Variants in KCNIP4 observed in about 807,000 individuals in gnomAD.
KCNIP4 encodes the protein potassium voltage-gated channel interacting protein 4.
KCNIP4 carries 12 observed loss-of-function variants against 34.0 expected under a neutral mutation model. The observed-to-expected ratio is 0.35, with a 90% CI of 0.23 to 0.57. The LOEUF is 0.57. KCNIP4 is among the 20% of genes least tolerant of loss of function. KCNIP4 has a pLI of 0.83. For synonymous variants in KCNIP4, 124 were observed against 102.2 expected, an observed-to-expected ratio of 1.21 and a Z score of -1.29; for missense variants, 238 against 311.7, an observed-to-expected ratio of 0.76 and a Z score of 1.78.
chr4:21,180,555 G>A (rs17447922), intron 1 of KCNIP4, among the ~76,000 whole-genome samples: 23,173 of 151,562 alleles, frequency 0.15, 2,026 homozygotes, highest in African/African-American at 0.23. Flanking sequence ...TACAGCTTCA[G>A]TTTTTACAGA....
At chr4:21,069,704 T>G (rs990265639) in intron 1 of KCNIP4, among the ~76,000 whole-genome samples, 1 of 152,106 alleles carries the variant, frequency 6.6e-6, no homozygotes, top group Admixed American at 6.5e-5. Flanking sequence ...AAATAGAAAT[T>G]TGGATGTAGA....
chr4:21,822,141 G>T (rs1225340381), intron 1 of KCNIP4, among the ~76,000 whole-genome samples: 1 of 152,140 alleles, frequency 6.6e-6, no homozygotes, highest in African/African-American at 2.4e-5. Flanking sequence ...CCTAGCATGT[G>T]ATTTACCAAG....
intron 1 of KCNIP4, among the ~76,000 whole-genome samples, chr4:21,220,914 G>C (rs748319673): frequency 1.1e-4 from 17 of 152,088 alleles, no homozygotes; most frequent in Non-Finnish European, 1.9e-4. Flanking sequence ...ATGTCTTTCA[G>C]AGATTCTGGA....
intron 1 of KCNIP4, among the ~76,000 whole-genome samples, chr4:21,476,462 T>G (rs1489594252): frequency 2.6e-5 from 4 of 152,124 alleles, no homozygotes; most frequent in Non-Finnish European, 4.4e-5. Flanking sequence ...GAGGAAGATG[T>G]TTCTCCCCTA....
intron 1 of KCNIP4, among the ~76,000 whole-genome samples, chr4:21,338,209 G>A (rs1236047689): frequency 7.1e-6 from 1 of 140,362 alleles, no homozygotes; most frequent in Non-Finnish European, 1.5e-5. Context: ...AGTTTGCAGT[G>A]AGCCAAGATC....
rs544194493 is a variant in KCNIP4 at position 20,844,722 on chromosome 4, C to T, written c.288+5821G>A. ...ACGTAGTGCTTTTTATGTAAATGTA[C>T]TTTGCAAAAATGTAGATCCCTATAA... On this transcript the variant is annotated intron_variant, in intron 3 of 8. Transcript: ENST00000382152. Among the ~76,000 whole-genome samples the T allele has an allele frequency of 3.9e-5, 6 of 152,196 alleles. No homozygotes were observed. In the South Asian group the frequency reaches 1.2e-3, roughly 32 times the overall value.
chr4:21,692,959 G>A (rs1456360347), intron 1 of KCNIP4, among the ~76,000 whole-genome samples: 1 of 151,566 alleles, frequency 6.6e-6, no homozygotes, highest in Non-Finnish European at 1.5e-5. Context: ...CTGGGCTGGG[G>A]GATGAGAGAG....
At chr4:21,293,955 G>T (rs1027104176) in intron 1 of KCNIP4, among the ~76,000 whole-genome samples, 1 of 152,108 alleles carries the variant, frequency 6.6e-6, no homozygotes, top group East Asian at 1.9e-4. Flanking sequence ...TGTTCTCCAG[G>T]TGGGCAGCCT....
chr4:21,716,223 A>G (rs1248542073), intron 1 of KCNIP4, among the ~76,000 whole-genome samples: 1 of 151,988 alleles, frequency 6.6e-6, no homozygotes, highest in East Asian at 1.9e-4. Flanking sequence ...GGCCAACATA[A>G]TAGTCTTTTT....
chr4:21,826,759 T>C (rs957223405), intron 1 of KCNIP4, among the ~76,000 whole-genome samples: 1 of 152,118 alleles, frequency 6.6e-6, no homozygotes, highest in African/African-American at 2.4e-5. Flanking sequence ...CAAAATATAT[T>C]TTATTCCCTC....
At chr4:20,928,028 T>A (rs1007677612) in intron 1 of KCNIP4, among the ~76,000 whole-genome samples, 61 of 152,090 alleles carry the variant, frequency 4.0e-4, no homozygotes, top group African/African-American at 1.4e-3. Context: ...AAAAGCAAAT[T>A]ACTTTATGGA....
At chr4:21,702,623 T>TA (rs994987963) in intron 1 of KCNIP4, among the ~76,000 whole-genome samples, 8 of 151,862 alleles carry the variant, frequency 5.3e-5, no homozygotes, top group African/African-American at 1.7e-4. Context: ...AATTTTCCAT[T>TA]AAAAAAAACT....
intron 1 of KCNIP4, among the ~76,000 whole-genome samples, chr4:20,987,825 C>T (rs1229681051): frequency 6.6e-6 from 1 of 150,958 alleles, no homozygotes; most frequent in Non-Finnish European, 1.5e-5. Context: ...CGGTGAAACC[C>T]CGTCTCTACT....
intron 1 of KCNIP4, among the ~76,000 whole-genome samples, chr4:21,560,323 G>A (rs1739411868): frequency 6.6e-6 from 1 of 151,882 alleles, no homozygotes; most frequent in South Asian, 2.1e-4. Context: ...TCTGATTAAA[G>A]GCCTTTGAAG....
intron 1 of KCNIP4, among the ~76,000 whole-genome samples, chr4:21,229,569 G>T (rs180989652): frequency 1.3e-5 from 2 of 152,216 alleles, no homozygotes; most frequent in East Asian, 3.9e-4. Context: ...CATCTATTGG[G>T]AGAAATCGGA....
At chr4:21,249,319 C>T (rs1379493409) in intron 1 of KCNIP4, among the ~76,000 whole-genome samples, 3 of 151,960 alleles carry the variant, frequency 2.0e-5, no homozygotes, top group Admixed American at 6.6e-5. Flanking sequence ...AGGGAGGTAT[C>T]GAAGTTCAAA....
chr4:21,468,235 G>A (rs150353382), intron 1 of KCNIP4, among the ~76,000 whole-genome samples: 35 of 152,168 alleles, frequency 2.3e-4, no homozygotes, highest in African/African-American at 8.2e-4. Context: ...GAATTAAAAT[G>A]TACAAGGAAA....
rs1357151009 is a variant in KCNIP4 at position 21,159,495 on chromosome 4, G to C, written c.62-276786C>G. ...TCTGCATTTCCATCTGAGGTACCGG[G>C]TTCATCTCACTAGGGAGTGCCAGAC... On this transcript the variant is annotated intron_variant, in intron 1 of 8. Coordinates refer to ENST00000382152, the MANE Select transcript of KCNIP4 (RefSeq NM_025221.6). 1.0e-4 allele frequency among the ~76,000 whole-genome samples: 5 copies of C among 47,992 alleles called. 2 individuals are homozygous for C. The highest frequency in any genetic ancestry group is 2.5e-4 in the African/African-American group (2 of 7,866). The allele number at this position is 47,992 out of a possible 152,430, so 31.5% of individuals were successfully genotyped here.
intron 1 of KCNIP4, among the ~76,000 whole-genome samples, chr4:21,311,361 A>C (rs1287253341): frequency 6.6e-6 from 1 of 152,208 alleles, no homozygotes; most frequent in Non-Finnish European, 1.5e-5. Context: ...CACGAGTAAT[A>C]TAGGAAGAAA....
Sources: allele counts gnomAD v4.1 joint callset (sites outside exome capture counted in the v4.1 genomes callset), GRCh38; gene constraint gnomAD v4.1.1; transcripts MANE v1.5; gene names NCBI Gene and HGNC (gene_info 2026-07-23, HGNC 2026-07-21).